The following DGKK variants were observed in gnomAD, a reference collection of about 807,000 sequenced individuals.
DGKK encodes 142 kDa diacylglycerol kinase.
DGKK carries 35 observed loss-of-function variants against 92.2 expected under a neutral mutation model. That is an observed-to-expected ratio of 0.38 (90% CI 0.29 to 0.50). The LOEUF (loss-of-function observed/expected upper bound fraction) is 0.50, where lower values mean the gene tolerates loss of function less well. DGKK is among the 20% of genes least tolerant of loss of function. The probability of loss-of-function intolerance (pLI) is 0.92; values close to 1 mark genes in which losing one functional copy is unlikely to be tolerated. For synonymous variants in DGKK, 368 were observed against 360.6 expected (o/e 1.02, Z -0.23); for missense variants, 910 against 992.2 (o/e 0.92, Z 1.11).
rs1475724544 is a variant in DGKK, at chrX:50,470,655, G to T, written c.24C>A (p.Ala8=). The change falls in exon 1 of 28, where the codon GCC becomes GCA. Residue 8 remains alanine, a synonymous_variant. Coordinates refer to ENST00000611977, the MANE Select transcript of DGKK (RefSeq NM_001013742.4). MDRGAAA[A]QGTAPPQDGE... The stretch of plus-strand genomic sequence containing the variant: ...CATCCTGAGGCGGGGCAGTGCCCTG[G>T]GCTGCGGCAGCTCCGCGGTCCATGG... The T allele has an allele frequency of 2.7e-6, 3 of 1,120,220 alleles. No homozygotes were observed. Among genetic ancestry groups the T allele is most frequent in the Non-Finnish European group, 3.5e-6 (3 of 857,843 alleles). The allele number at this position is 1,120,220 out of a possible 1,213,427, so 92.3% of individuals were successfully genotyped here.
At chrX:50,397,867 A>G (rs1331144549) in intron 8 of DGKK, among the ~76,000 whole-genome samples, 2 of 111,309 alleles carry the variant, frequency 1.8e-5, no homozygotes, top group African/African-American at 3.3e-5. Context: ...CACCATTATA[A>G]TGTCATGTGT....
intron 18 of DGKK, among the ~76,000 whole-genome samples, chrX:50,380,279 G>A (rs1557224318): frequency 9.0e-6 from 1 of 111,420 alleles, no homozygotes; most frequent in Admixed American, 9.5e-5. Flanking sequence ...CCCCTTTGAA[G>A]CCTCAGTATC....
At chrX:50,428,310 TG>T (rs1371760661) in intron 1 of DGKK, among the ~76,000 whole-genome samples, 2 of 110,962 alleles carry the variant, frequency 1.8e-5, no homozygotes, top group African/African-American at 6.6e-5. Context: ...AGAACAGGGT[TG>T]GTAGCTTGTG....
chrX:50,405,527 GGA>G (rs781903574), intron 4 of DGKK, among the ~76,000 whole-genome samples: 11,826 of 100,372 alleles, frequency 0.12, 1,708 homozygotes, highest in African/African-American at 0.38. Flanking sequence ...GACAGTGGGG[GGA>G]GAGAGAGAGA....
chrX:50,464,011 C>T lies in DGKK; in HGVS notation c.645+6023G>A, dbSNP rs781841022. 1.0e-4 allele frequency among the ~76,000 whole-genome samples: 11 copies of T among 108,614 alleles called. No homozygotes were observed. In the South Asian group the frequency reaches 4.4e-3, roughly 43 times the overall value. The allele number at this position is 108,614 out of a possible 115,157, so 94.3% of individuals were successfully genotyped here. ...ACATGTTCCCTGAAAATATGTACAT[C>T]TATTATGCATCAGTTAAAAATTAAT... On this transcript the variant is annotated intron_variant, in intron 1 of 27. Coordinates refer to ENST00000611977, the MANE Select transcript of DGKK (RefSeq NM_001013742.4).
intron 1 of DGKK, among the ~76,000 whole-genome samples, chrX:50,446,757 T>TGATAAGAA (rs1557231913): frequency 9.0e-6 from 1 of 111,578 alleles, no homozygotes; most frequent in African/African-American, 3.3e-5. Flanking sequence ...TTCTTACTGT[T>TGATAAGAA]CTGGCTCATG....
intron 1 of DGKK, among the ~76,000 whole-genome samples, chrX:50,434,618 C>G (rs1401195250): frequency 1.8e-5 from 2 of 110,701 alleles, no homozygotes; most frequent in African/African-American, 3.3e-5. Context: ...CTGCAGATTT[C>G]CCACTAGTTT....
chrX:50,457,737 G>C (rs782780398), intron 1 of DGKK, among the ~76,000 whole-genome samples: 1 of 111,686 alleles, frequency 9.0e-6, no homozygotes, highest in African/African-American at 3.2e-5. Flanking sequence ...GAACAATTTT[G>C]CTGCTTTAAA....
In DGKK at chrX:50,403,083, C is replaced by A; in HGVS notation, c.1286G>T (p.Arg429Leu). The A allele has an allele frequency of 1.7e-6, 2 of 1,210,296 alleles. No individual in the cohort carries two copies. The highest frequency in any genetic ancestry group is 2.2e-6 in the Non-Finnish European group (2 of 894,818). Residue 429 changes from arginine (R) to leucine (L), a missense_variant, in exon 7 of 28, where the codon CGC becomes CTC. Coordinates refer to ENST00000611977, the MANE Select transcript of DGKK (RefSeq NM_001013742.4). ...TACCGTAGAATTACACCACAGGCAG[C>A]GGAAGTCTTGAAGTCTTTGATAACT... ...CGSYQRLQDFRCLWCNSTVHD... is the reference protein window; with the variant it reads ...CGSYQRLQDFLCLWCNSTVHD...
intron 1 of DGKK, among the ~76,000 whole-genome samples, chrX:50,436,060 T>C (rs1557230740): frequency 9.0e-6 from 1 of 111,652 alleles, no homozygotes; most frequent in Non-Finnish European, 1.9e-5. Context: ...GGAAGAGAAG[T>C]GACTGCATGA....
At chrX:50,443,577 C>T (rs1275474093) in intron 1 of DGKK, among the ~76,000 whole-genome samples, 2 of 110,957 alleles carry the variant, frequency 1.8e-5, no homozygotes. Flanking sequence ...AGGTTCTGTG[C>T]ACCCTTCACC....
chrX:50,423,376 G>T (rs1925649857), intron 2 of DGKK, among the ~76,000 whole-genome samples: 1 of 111,730 alleles, frequency 9.0e-6, no homozygotes, highest in African/African-American at 3.3e-5. Context: ...AGCAGTAGGG[G>T]AGCTGACAGC....
rs936832412 is a variant in DGKK at position 50,382,426 on chromosome X, G to A, written c.2657+70C>T. 43 of 747,759 alleles carry A rather than the reference G, an allele frequency of 5.8e-5. No homozygotes were observed. The East Asian group carries it at 6.7e-4, about 12-fold the overall frequency. 61.6% of individuals were successfully genotyped at this position (747,759 alleles called of 1,213,427 possible). ...TTCTGTTGCTTGTCTGAGAGGTAGA[G>A]AATGTAGGAATACGTATGTGTATTG... On this transcript the variant is annotated intron_variant, in intron 18 of 27. Coordinates refer to ENST00000611977, the MANE Select transcript of DGKK (RefSeq NM_001013742.4).
At chrX:50,426,764 A>C (rs1925751212) in intron 1 of DGKK, among the ~76,000 whole-genome samples, 1 of 112,406 alleles carries the variant, frequency 8.9e-6, no homozygotes, top group South Asian at 3.7e-4. Context: ...AATAACTTTT[A>C]AAAATTATTA....
chrX:50,425,784 G>A lies in DGKK; in HGVS notation c.646-1426C>T, dbSNP rs782136776. Among the ~76,000 whole-genome samples, 3 of 111,615 alleles carry A rather than the reference G, an allele frequency of 2.7e-5. No individual in the cohort carries two copies. In the South Asian group the frequency reaches 1.1e-3, roughly 42 times the overall value. ...AACAAAGAGAACAATAAGATCTTGT[G>A]GGAAGGAGGGAGGTTGCAGTGAGAG... On this transcript the variant is annotated intron_variant, in intron 1 of 27. Coordinates refer to ENST00000611977, the MANE Select transcript of DGKK (RefSeq NM_001013742.4).
chrX:50,464,884 T>C (rs1926854674), intron 1 of DGKK, among the ~76,000 whole-genome samples: 1 of 111,302 alleles, frequency 9.0e-6, no homozygotes, highest in Non-Finnish European at 1.9e-5. Context: ...TTTAGAACAT[T>C]TTAATCACCC....
Position 50,370,672 on chromosome X carries a change from C to T in DGKK, c.3613-123G>A, listed in dbSNP as rs1924100240. 5.0e-6 allele frequency: 4 copies of T among 792,860 alleles called. No individual in the cohort carries two copies. The Admixed American group carries it at 1.0e-4, about 20-fold the overall frequency. The allele number at this position is 792,860 out of a possible 1,213,427, so 65.3% of individuals were successfully genotyped here. A position where few individuals can be genotyped will look rare whatever the true frequency, so the allele number is the denominator to read the frequency against. ...AGAACAGGGAGATCTGCTCTCTATC[C>T]AGGTATGAGAAACACCCCCATCACT... On this transcript the variant is annotated intron_variant, in intron 26 of 27. Coordinates refer to ENST00000611977, the MANE Select transcript of DGKK (RefSeq NM_001013742.4).
intron 4 of DGKK, among the ~76,000 whole-genome samples, chrX:50,410,408 C>A (rs782273938): frequency 8.9e-6 from 1 of 112,118 alleles, no homozygotes; most frequent in South Asian, 3.7e-4. Context: ...AAAGAACTTG[C>A]CTGAATTGTG....
intron 1 of DGKK, among the ~76,000 whole-genome samples, chrX:50,447,421 T>TATTA (rs1926391815): frequency 6.0e-5 from 1 of 16,797 alleles, no homozygotes; most frequent in African/African-American, 8.4e-4. Context: ...TATATATATA[T>TATTA]ATATATTATA....
Sources: gnomAD v4.1 joint callset for allele counts (sites outside exome capture counted in the v4.1 genomes callset) on GRCh38, gnomAD v4.1.1 for gene constraint, MANE v1.5 for transcripts, NCBI Gene and HGNC (gene_info 2026-07-23, HGNC 2026-07-21) for gene names.